The following PRSS23 variants were observed in gnomAD, a reference collection of about 807,000 sequenced individuals.
PRSS23 encodes serine protease 23.
PRSS23 carries 25 observed loss-of-function variants against 34.7 expected under a neutral mutation model. The observed-to-expected ratio is 0.72, with a 90% CI of 0.53 to 1.01. The LOEUF (loss-of-function observed/expected upper bound fraction) is 1.01. Ranked by LOEUF, PRSS23 falls within the 50% of genes least tolerant of loss-of-function variation. The pLI is 0.00. For missense variants in PRSS23, 445 were observed against 475.6 expected (o/e 0.94, Z 0.60); for synonymous variants, 176 against 186.6 (o/e 0.94, Z 0.46).
At chr11:86,851,099 G>A (rs936521340) in intron 2 of PRSS23, among the ~76,000 whole-genome samples, 2 of 152,166 alleles carry the variant, frequency 1.3e-5, no homozygotes, top group Non-Finnish European at 2.9e-5. Flanking sequence ...AGAAAGGGTG[G>A]CATTCAAAAT....
At chr11:86,854,233 C>G (rs574308371) in intron 2 of PRSS23, among the ~76,000 whole-genome samples, 1 of 152,124 alleles carries the variant, frequency 6.6e-6, no homozygotes, top group Non-Finnish European at 1.5e-5. Context: ...ATCACCTGAC[C>G]TCGTGATCTG....
intron 1 of PRSS23, among the ~76,000 whole-genome samples, chr11:86,794,967 A>G (rs929724444): frequency 6.6e-6 from 1 of 152,210 alleles, no homozygotes; most frequent in South Asian, 2.1e-4. Context: ...GGAGGAGACA[A>G]AAAATACAAC....
intron 2 of PRSS23, among the ~76,000 whole-genome samples, chr11:86,893,709 A>G (rs1215475801): frequency 1.3e-5 from 2 of 152,218 alleles, no homozygotes; most frequent in African/African-American, 2.4e-5. Context: ...AGTGGCTTAA[A>G]TAAAAGTATA....
intron 2 of PRSS23, among the ~76,000 whole-genome samples, chr11:86,867,255 CCTT>C (rs1217774858): frequency 1.3e-5 from 2 of 152,204 alleles, no homozygotes; most frequent in African/African-American, 2.4e-5. Flanking sequence ...CACAAGGCCT[CCTT>C]CTCCTTAAAA....
intron 2 of PRSS23, among the ~76,000 whole-genome samples, chr11:86,839,983 G>A (rs560174515): frequency 6.6e-6 from 1 of 151,798 alleles, no homozygotes; most frequent in Non-Finnish European, 1.5e-5. Context: ...ACCTGTACCA[G>A]CCACTGCAAA....
chr11:86,857,413 A>G, intron 2 of PRSS23: 1 of 329,526 alleles, frequency 3.0e-6, no homozygotes, highest in Non-Finnish European at 5.8e-6. Flanking sequence ...AATACATAAT[A>G]TGTTATTGAT....
At chr11:86,826,188 T>C (rs1234549381) in intron 2 of PRSS23, among the ~76,000 whole-genome samples, 1 of 151,942 alleles carries the variant, frequency 6.6e-6, no homozygotes, top group Non-Finnish European at 1.5e-5. Context: ...CTTGAAGAGG[T>C]CCTTCACGTC....
chr11:86,809,682 A>G lies in PRSS23; in HGVS notation c.*887A>G, dbSNP rs1282268495. 1 of 167,044 alleles carries G rather than the reference A, an allele frequency of 6.0e-6. No homozygotes were observed. The highest frequency in any genetic ancestry group is 1.5e-5 in the Non-Finnish European group (1 of 68,126). 10.3% of individuals were successfully genotyped at this position (167,044 alleles called of 1,614,324 possible). ...AAACAGTTGTGGCCACACTAAAAAC[A>G]ATCATAGCATTTTACCCCTGGATTA... On this transcript the variant is annotated 3_prime_UTR_variant, in exon 2 of 2. Coordinates refer to ENST00000280258, the MANE Select transcript of PRSS23 (RefSeq NM_007173.6).
At chr11:86,876,834 T>G (rs1412864747) in intron 2 of PRSS23, among the ~76,000 whole-genome samples, 1 of 113,166 alleles carries the variant, frequency 8.8e-6, no homozygotes, top group Admixed American at 8.8e-5. Context: ...GAAAACCAAT[T>G]AGAAAGACAA....
At chr11:86,831,844 C>A (rs1307764880) in intron 2 of PRSS23, among the ~76,000 whole-genome samples, 1 of 151,902 alleles carries the variant, frequency 6.6e-6, no homozygotes, top group Non-Finnish European at 1.5e-5. Context: ...TTTGTAATAT[C>A]CTATGCCAGT....
chr11:86,870,107 T>TC (rs1172490045), intron 2 of PRSS23, among the ~76,000 whole-genome samples: 1 of 152,170 alleles, frequency 6.6e-6, no homozygotes, highest in Non-Finnish European at 1.5e-5. Context: ...GATCTTTTTT[T>TC]CCCCAAATCG....
chr11:86,843,151 A>G (rs1240926441), intron 2 of PRSS23, among the ~76,000 whole-genome samples: 1 of 152,240 alleles, frequency 6.6e-6, no homozygotes, highest in Non-Finnish European at 1.5e-5. Context: ...GACAAATCTG[A>G]CAAAAATAAG....
rs182020368 is a variant in PRSS23, at chr11:86,891,932, G to A, written c.207-59284G>A. Among the ~76,000 whole-genome samples, 4 of 152,262 alleles carry A rather than the reference G, an allele frequency of 2.6e-5. No individual in the cohort carries two copies. In the East Asian group the frequency reaches 7.7e-4, roughly 29 times the overall value. On this transcript the variant is annotated intron_variant, in intron 2 of 2. Transcript: ENST00000533902. ...CTGGAAGTTTCCTGAGGCCTCCCCA[G>A]CCATGCCAAACTGTGAGTTAATTAA...
At chr11:86,912,848 G>T (rs1948986586) in intron 2 of PRSS23, among the ~76,000 whole-genome samples, 1 of 151,966 alleles carries the variant, frequency 6.6e-6, no homozygotes. Flanking sequence ...TTATGTCTTG[G>T]ACATTGTGAG....
chr11:86,818,415 T>C (rs967799436), intron 1 of PRSS23, among the ~76,000 whole-genome samples: 1 of 152,230 alleles, frequency 6.6e-6, no homozygotes, highest in African/African-American at 2.4e-5. Context: ...CCATTGTTTT[T>C]CCTTATAACA....
At chr11:86,839,513 G>C (rs1392102572) in intron 2 of PRSS23, among the ~76,000 whole-genome samples, 2 of 152,134 alleles carry the variant, frequency 1.3e-5, no homozygotes, top group Non-Finnish European at 2.9e-5. Flanking sequence ...ATGGAACCAA[G>C]TTAGAAAACA....
In PRSS23 at chr11:86,900,355, G is replaced by A. The variant is rs532007070; in HGVS notation, c.207-50861G>A. ...GCATGTGCCCGTATGCTCAGGCTCTGTGCCCACCTTGCAATATGCATTTGA... is the reference window on the plus strand; with the variant it reads ...GCATGTGCCCGTATGCTCAGGCTCTATGCCCACCTTGCAATATGCATTTGA... On this transcript the variant is annotated intron_variant, in intron 2 of 2. Transcript: ENST00000533902. 3.9e-5 allele frequency among the ~76,000 whole-genome samples: 6 copies of A among 152,324 alleles called. No homozygotes were observed. In the East Asian group the frequency reaches 1.2e-3, roughly 29 times the overall value.
chr11:86,931,367 A>G (rs1052022237), intron 2 of PRSS23, among the ~76,000 whole-genome samples: 1 of 152,228 alleles, frequency 6.6e-6, no homozygotes, highest in Admixed American at 6.5e-5. Flanking sequence ...ATGAATTAAT[A>G]AGCAAATTGT....
chr11:86,879,644 C>T (rs1212620036), intron 2 of PRSS23, among the ~76,000 whole-genome samples: 2 of 138,448 alleles, frequency 1.4e-5, no homozygotes, highest in African/African-American at 5.2e-5. Context: ...GCCCCTCTGC[C>T]CGGCCAGCCG....
Sources: allele counts gnomAD v4.1 joint callset (sites outside exome capture counted in the v4.1 genomes callset), GRCh38; gene constraint gnomAD v4.1.1; transcripts MANE v1.5; gene names NCBI Gene and HGNC (gene_info 2026-07-23, HGNC 2026-07-21).